The following TRRAP variants were observed in gnomAD, a reference collection of about 807,000 sequenced individuals.
TRRAP encodes transformation/transcription domain associated protein, also known as transformation/transcription domain-associated protein.
TRRAP carries 41 observed loss-of-function variants against 438.8 expected under a neutral mutation model. That is an observed-to-expected ratio of 0.09 (90% CI 0.07 to 0.12). The LOEUF is 0.12. TRRAP is among the 10% of genes least tolerant of loss of function. The pLI is 1.00. For synonymous variants in TRRAP, 1,994 were observed against 1,962.9 expected (o/e 1.02, Z -0.42); for missense variants, 3,122 against 5,055.1 (o/e 0.62, Z 11.60).
intron 69 of TRRAP, among the ~76,000 whole-genome samples, 160 bp from the exon 70 acceptor site, chr7:99,008,208 GCCATCTGTT>G (rs1377864680): frequency 6.6e-6 from 1 of 152,186 alleles, no homozygotes; most frequent in Non-Finnish European, 1.5e-5. Context: ...AGAGCCTCAT[GCCATCTGTT>G]GAGCAAATGG....
Position 98,976,425 on chromosome 7 carries a change from A to G in TRRAP, c.7960-58A>G. On this transcript the variant is annotated intron_variant, in intron 54 of 72. Transcript: ENST00000456197. This position sits in a 1 kb window ranked among gnomAD's most constrained non-coding sequence, Gnocchi z 4.6. ...GAAAGGTATTCTTGCATCGAGAGAGACAGCAAGACTTGCCGATTTTTGAAT... is the reference window on the plus strand; with the variant it reads ...GAAAGGTATTCTTGCATCGAGAGAGGCAGCAAGACTTGCCGATTTTTGAAT... 1.3e-6 allele frequency: 2 copies of G among 1,580,568 alleles called. No homozygotes were observed. The highest frequency in any genetic ancestry group is 2.2e-5 in the East Asian group (1 of 44,522).
intron 19 of TRRAP, among the ~76,000 whole-genome samples, chr7:98,916,646 C>T (rs782094942): frequency 6.6e-6 from 1 of 152,180 alleles, no homozygotes; most frequent in African/African-American, 2.4e-5. Context: ...GGATTTAACC[C>T]TGTCTCTAGT....
chr7:98,899,188 CAAA>C (rs1170662735), intron 8 of TRRAP, among the ~76,000 whole-genome samples: 1 of 149,964 alleles, frequency 6.7e-6, no homozygotes, highest in Non-Finnish European at 1.5e-5. Context: ...GACTCCATCT[CAAA>C]AAAAAAGAAA....
rs548485829 is a variant in TRRAP, at chr7:98,977,825, G to A, written c.8386-386G>A. On this transcript the variant is annotated intron_variant, in intron 56 of 72. Transcript: ENST00000456197. ...TAAAGGATGGAGAAAGTAATCCCAC[G>A]TCTGGACAGCCTCTCCTCCTTCCAT... Among the ~76,000 whole-genome samples, 28 of 152,332 alleles carry A rather than the reference G, an allele frequency of 1.8e-4. No homozygotes were observed. The South Asian group carries it at 5.4e-3, about 29-fold the overall frequency.
chr7:98,949,539 C>A lies in TRRAP; in HGVS notation c.4911C>A (p.Ser1637Arg). ...CGGCTGTGCGCCCCGGTTCGCCCAGCACCAGCACCATGCGCCTGGACCTCC... is the reference window on the plus strand; with the variant it reads ...CGGCTGTGCGCCCCGGTTCGCCCAGAACCAGCACCATGCGCCTGGACCTCC... Reference protein sequence around the residue: ...AQTAVRPGSPSTSTMRLDLQF... With the variant: ...AQTAVRPGSPRTSTMRLDLQF... The change falls in exon 36 of 73, where the codon AGC (serine) becomes AGA (arginine). Residue 1637 changes from serine to arginine, a missense_variant. Around this residue, in one of 24 missense-constraint regions of TRRAP, gnomAD observed 272 missense variants for 348.5 expected, o/e 0.78. Transcript: ENST00000456197. 6.3e-7 allele frequency: 1 copy of A among 1,597,124 alleles called. No individual in the cohort carries two copies. The highest frequency in any genetic ancestry group is 1.1e-5 in the South Asian group (1 of 88,742).
intron 13 of TRRAP, among the ~76,000 whole-genome samples, chr7:98,906,709 A>G (rs1158012088): frequency 6.6e-6 from 1 of 152,080 alleles, no homozygotes; most frequent in African/African-American, 2.4e-5. Flanking sequence ...CTGGGATTAC[A>G]GGCGTGAGGT....
rs116223861 is a variant in TRRAP at position 99,006,160 on chromosome 7, G to A, written c.10753+812G>A. On this transcript the variant is annotated intron_variant, in intron 69 of 72. Coordinates refer to ENST00000456197, the MANE Select transcript of TRRAP (RefSeq NM_001375524.1). ...TTATCGTGAGTGGCCTGATTGTACC[G>A]GCACGTAGATGAGATGCTTATAATG... 1.6e-3 allele frequency among the ~76,000 whole-genome samples: 237 copies of A among 152,264 alleles called. 2 individuals are homozygous for A. Among genetic ancestry groups the A allele is most frequent in the African/African-American group, 4.2e-3 (176 of 41,550 alleles).
At position 98,958,232 on chromosome 7, in the gene TRRAP, A is replaced by G. The variant is rs2116649372; in HGVS notation, c.6342+141A>G. ...TGCCAGCTGGTTCTGTCATTTTCGT[A>G]TCAACTGCACTTGATTTTGTGGCAG... On this transcript the variant is annotated intron_variant, in intron 44 of 72. Coordinates refer to ENST00000456197, the MANE Select transcript of TRRAP (RefSeq NM_001375524.1). The G allele has an allele frequency of 1.2e-5, 8 of 662,540 alleles. No individual in the cohort carries two copies. In the South Asian group the frequency reaches 1.6e-4, roughly 13 times the overall value. 41.0% of individuals were successfully genotyped at this position (662,540 alleles called of 1,614,324 possible).
chr7:98,959,767 G>C (rs1445908425), intron 45 of TRRAP, among the ~76,000 whole-genome samples: 7 of 151,854 alleles, frequency 4.6e-5, no homozygotes, highest in Admixed American at 3.9e-4. Flanking sequence ...CTACAAAAGA[G>C]AAGACAGAAA....
At chr7:98,995,744 C>T (rs1793622895) in intron 67 of TRRAP, among the ~76,000 whole-genome samples, 1 of 150,082 alleles carries the variant, frequency 6.7e-6, no homozygotes, top group Non-Finnish European at 1.5e-5. Context: ...CCCGTCCATG[C>T]ACCCCATCCA....
In TRRAP at chr7:98,894,564, A is replaced by T. The variant is rs1397549729; in HGVS notation, c.450+683A>T. On this transcript the variant is annotated intron_variant, in intron 6 of 72. Transcript: ENST00000456197. ...GATGAAATAGGATTCCTACCATCTC[A>T]AAAACAGGATTTTATGTCTTGGTGA... 2.0e-5 allele frequency among the ~76,000 whole-genome samples: 3 copies of T among 151,824 alleles called. No individual in the cohort carries two copies. The East Asian group carries it at 5.8e-4, about 29-fold the overall frequency.
chr7:98,956,163 G>A lies in TRRAP; in HGVS notation c.5955G>A (p.Arg1985=), dbSNP rs1344965601. Residue 1985 remains arginine, a synonymous_variant, in exon 42 of 73, where the codon CGG becomes CGA. Coordinates refer to ENST00000456197, the MANE Select transcript of TRRAP (RefSeq NM_001375524.1). The surrounding 1 kb of genome is among the most constrained non-coding windows in gnomAD (Gnocchi z 4.5). ...GTCCGCAGGTGTACTACCCGGTACG[G>A]CACCACTTGGTGCAGCACATGGTGA... is the stretch of plus-strand genomic sequence containing the variant. ...VQHFKVYYPV[R]HHLVQHMVSA... is the part of the protein sequence containing the mutation. 3 of 1,611,964 alleles carry A rather than the reference G, an allele frequency of 1.9e-6. No individual in the cohort carries two copies. Among genetic ancestry groups the A allele is most frequent in the Middle Eastern group, 2.1e-4 (1 of 4,760 alleles).
intron 7 of TRRAP, 126 bp downstream of exon 7, chr7:98,895,946 G>A: frequency 1.6e-6 from 1 of 615,620 alleles, no homozygotes; most frequent in Non-Finnish European, 2.5e-6. Flanking sequence ...AATGGGGAAT[G>A]TTTAGCAATG....
At chr7:98,968,924 A>G (rs1177438479) in intron 51 of TRRAP, among the ~76,000 whole-genome samples, 1 of 152,210 alleles carries the variant, frequency 6.6e-6, no homozygotes. Flanking sequence ...GTCAGGTGCT[A>G]AAAAGACAAA....
chr7:98,931,603 C>G lies in TRRAP; in HGVS notation c.3790C>G (p.Leu1264Val). ...TGTGAGGAAGCAGGCCATGCATTCG[C>G]TGCAGGTGTTGGCCCAGGTCACTGG... ...STVRKQAMHS[L>V]QVLAQVTGKS... The change falls in exon 26 of 73, where the codon CTG (leucine) becomes GTG (valine). Residue 1264 changes from leucine to valine, a missense_variant. By Grantham distance (32) the Leu-to-Val change is conservative. Transcript: ENST00000456197. 6.2e-7 allele frequency: 1 copy of G among 1,614,244 alleles called. No homozygotes were observed. The highest frequency in any genetic ancestry group is 8.5e-7 in the Non-Finnish European group (1 of 1,180,056).
At chr7:98,973,573 G>A (rs576387630) in intron 53 of TRRAP, among the ~76,000 whole-genome samples, 4 of 152,308 alleles carry the variant, frequency 2.6e-5, no homozygotes, top group African/African-American at 7.2e-5. Context: ...ATGGCGGCTG[G>A]GCTAGACCAG....
rs35634065 is a variant in TRRAP at position 98,967,504 on chromosome 7, A to G, written c.7318A>G (p.Ser2440Gly). ...YVYRDETLSGSELTAKLEPAF... is the reference protein window; with the variant it reads ...YVYRDETLSGGELTAKLEPAF... Reference sequence around the variant, plus strand: ...TTACAGGGATGAGACCCTCTCTGGCAGCGAGCTGACGGCGAAACTTGAGCC... The same window carrying G: ...TTACAGGGATGAGACCCTCTCTGGCGGCGAGCTGACGGCGAAACTTGAGCC... The change falls in exon 51 of 73, where the codon AGC (serine) becomes GGC (glycine). Residue 2440 changes from serine (S) to glycine (G), a missense_variant. By Grantham distance (56) the Ser-to-Gly change is moderately conservative. Around this residue, in one of 24 missense-constraint regions of TRRAP, gnomAD observed 992 missense variants for 1,281.2 expected, o/e 0.77. Transcript: ENST00000456197. 6.2e-7 allele frequency: 1 copy of G among 1,613,984 alleles called. No individual in the cohort carries two copies. Among genetic ancestry groups the G allele is most frequent in the Non-Finnish European group, 8.5e-7 (1 of 1,180,014 alleles).
At chr7:99,009,840 CTTGT>C (rs1185902834) in intron 70 of TRRAP, among the ~76,000 whole-genome samples, 1 of 145,796 alleles carries the variant, frequency 6.9e-6, no homozygotes, top group Non-Finnish European at 1.5e-5. Context: ...GCTTCCTCCT[CTTGT>C]TTATTTTGTT....
chr7:98,957,126 C>T (rs1791654738), intron 43 of TRRAP, among the ~76,000 whole-genome samples: 1 of 152,108 alleles, frequency 6.6e-6, no homozygotes, highest in Non-Finnish European at 1.5e-5. Flanking sequence ...GCACTTTGTC[C>T]ATTGGCCTCG....
Sources: gnomAD v4.1 joint callset for allele counts (sites outside exome capture counted in the v4.1 genomes callset) on GRCh38, gnomAD v4.1.1 for gene constraint, gnomAD v4.1.1 regional missense constraint, Gnocchi (gnomAD v3.1) non-coding constraint, MANE v1.5 for transcripts, NCBI Gene and HGNC (gene_info 2026-07-23, HGNC 2026-07-21) for gene names.